The following TNNI3K variants were observed in gnomAD, a reference collection of about 807,000 sequenced individuals.
TNNI3K encodes TNNI3 interacting kinase.
Under a neutral mutation model 114.5 loss-of-function variants are expected in TNNI3K, and 140 were observed. The observed-to-expected ratio is 1.22, with a 90% CI of 1.07 to 1.41. TNNI3K has a LOEUF of 1.41. Ranked by LOEUF, TNNI3K falls within the 40% of genes most tolerant of loss-of-function variation. The pLI is 0.00. For synonymous variants in TNNI3K, 347 were observed against 347.5 expected, an observed-to-expected ratio of 1.00 and a Z score of 0.02; for missense variants, 1,125 against 1,007.6, an observed-to-expected ratio of 1.12 and a Z score of -1.58.
chr1:74,408,808 G>C (rs1212486179), intron 17 of TNNI3K, among the ~76,000 whole-genome samples: 1 of 152,144 alleles, frequency 6.6e-6, no homozygotes, highest in Non-Finnish European at 1.5e-5. Flanking sequence ...TAAGATTATA[G>C]TTTAACATTT....
At chr1:74,315,433 T>C (rs533544084) in intron 5 of TNNI3K, among the ~76,000 whole-genome samples, 1 of 152,272 alleles carries the variant, frequency 6.6e-6, no homozygotes, top group Admixed American at 6.5e-5. Flanking sequence ...AGTCAACCAA[T>C]TAATGCCTAC....
intron 4 of TNNI3K, 82 bp downstream of exon 4, chr1:74,250,851 A>G (rs1317762173): frequency 3.2e-6 from 4 of 1,236,064 alleles, no homozygotes; most frequent in Admixed American, 3.3e-5. Context: ...TTTTTTTCAA[A>G]TTAGTAATCA....
At chr1:74,448,185 C>T (rs1325238510) in intron 20 of TNNI3K, among the ~76,000 whole-genome samples, 37 of 107,344 alleles carry the variant, frequency 3.4e-4, no homozygotes, top group Admixed American at 9.0e-4. Context: ...GGGTGCAGCG[C>T]ACCAGCATGG....
Position 74,256,283 on chromosome 1 carries a change from CTTTTTTTTTTTTTTTTTTTTTTT to C in TNNI3K, c.333+5525_333+5547del, listed in dbSNP as rs61636791. Among the ~76,000 whole-genome samples the C allele has an allele frequency of 9.4e-5, 4 of 42,780 alleles. No homozygotes were observed. The Admixed American group carries it at 1.3e-3, about 14-fold the overall frequency. The allele number at this position is 42,780 out of a possible 152,430, so 28.1% of individuals were successfully genotyped here. A position where few individuals can be genotyped will look rare whatever the true frequency, so the allele number is the denominator to read the frequency against. On this transcript the variant is annotated intron_variant, in intron 4 of 24. Coordinates refer to ENST00000326637, the MANE Select transcript of TNNI3K (RefSeq NM_015978.3). The stretch of plus-strand genomic sequence containing the variant: ...CTTTCCGGCACTTGGTGTGGTCAGT[CTTTTTTTTTTTTTTTTTTTTTTT>C]TTTTTTTTTTGGCTATTCTATTGGA...
chr1:74,287,211 G>A (rs1012877933), intron 5 of TNNI3K, among the ~76,000 whole-genome samples: 1 of 152,134 alleles, frequency 6.6e-6, no homozygotes, highest in Non-Finnish European at 1.5e-5. Context: ...AAAGCCTACA[G>A]CACTTTTGGT....
intron 9 of TNNI3K, among the ~76,000 whole-genome samples, chr1:74,352,933 C>T (rs933019346): frequency 5.3e-5 from 8 of 152,184 alleles, no homozygotes; most frequent in East Asian, 1.9e-4. Context: ...GGCAATGCCT[C>T]GCCCTACTTC....
At chr1:74,279,742 T>G (rs1361275400) in intron 5 of TNNI3K, among the ~76,000 whole-genome samples, 2 of 152,192 alleles carry the variant, frequency 1.3e-5, no homozygotes, top group Non-Finnish European at 2.9e-5. Context: ...TAATCACTCA[T>G]TGTGCACAAT....
intron 5 of TNNI3K, among the ~76,000 whole-genome samples, chr1:74,292,350 G>A (rs1167721637): frequency 6.6e-6 from 1 of 150,890 alleles, no homozygotes; most frequent in Non-Finnish European, 1.5e-5. Context: ...TTTTCTAACA[G>A]CATTTTAGGC....
chr1:74,442,302 C>G (rs1368722920), intron 20 of TNNI3K, among the ~76,000 whole-genome samples: 1 of 151,990 alleles, frequency 6.6e-6, no homozygotes, highest in Non-Finnish European at 1.5e-5. Context: ...ATTTCCAACT[C>G]TATTCTGTTT....
At chr1:74,367,439 G>A (rs1662334398) in intron 12 of TNNI3K, 97 bp downstream of exon 12, 4 of 1,343,390 alleles carry the variant, frequency 3.0e-6, no homozygotes, top group South Asian at 2.5e-5. Context: ...AGGGGTTAGG[G>A]AGGAGGGCAT....
At chr1:74,339,888 A>G (rs959321702) in intron 7 of TNNI3K, among the ~76,000 whole-genome samples, 6 of 152,136 alleles carry the variant, frequency 3.9e-5, no homozygotes, top group Admixed American at 2.6e-4. Context: ...AGAATTAATA[A>G]TTTCTGTCAT....
intron 9 of TNNI3K, among the ~76,000 whole-genome samples, chr1:74,345,499 A>G (rs1462892141): frequency 1.3e-5 from 2 of 152,190 alleles, no homozygotes; most frequent in Non-Finnish European, 2.9e-5. Context: ...GTTTAATTGG[A>G]TAAAGAATGA....
Position 74,384,542 on chromosome 1 carries a change from A to G in TNNI3K, c.1772+14150A>G, listed in dbSNP as rs1215276502. On this transcript the variant is annotated intron_variant, in intron 17 of 24. Coordinates refer to ENST00000326637, the MANE Select transcript of TNNI3K (RefSeq NM_015978.3). ...ATACTTGCTTTTTCTAAATCAATTG[A>G]TTTTCCTTCTCACAGGCAACATTTT... Among the ~76,000 whole-genome samples, 3 of 152,060 alleles carry G rather than the reference A, an allele frequency of 2.0e-5. 1 individual carries two copies. In the South Asian group the frequency reaches 6.2e-4, roughly 31 times the overall value.
At chr1:74,423,869 C>T (rs539815964) in intron 17 of TNNI3K, among the ~76,000 whole-genome samples, 4 of 152,080 alleles carry the variant, frequency 2.6e-5, no homozygotes, top group Non-Finnish European at 4.4e-5. Context: ...ACATATGTTG[C>T]TTACAACTAT....
intron 2 of TNNI3K, among the ~76,000 whole-genome samples, chr1:74,243,620 G>C (rs528071763): frequency 3.3e-5 from 5 of 152,226 alleles, no homozygotes; most frequent in African/African-American, 1.2e-4. Context: ...CTTCTTGAAA[G>C]GATGAGGTCA....
intron 4 of TNNI3K, among the ~76,000 whole-genome samples, chr1:74,264,869 G>A (rs568979621): frequency 1.3e-5 from 2 of 152,012 alleles, no homozygotes; most frequent in Non-Finnish European, 2.9e-5. Context: ...ACACCTGTAA[G>A]TATCTTGAGT....
At chr1:74,401,142 A>C (rs1033301500) in intron 17 of TNNI3K, among the ~76,000 whole-genome samples, 3 of 152,228 alleles carry the variant, frequency 2.0e-5, no homozygotes, top group Admixed American at 2.0e-4. Flanking sequence ...GGTAGCCTCT[A>C]TACCTATAGA....
chr1:74,521,123 A>G (rs1438540663), intron 23 of TNNI3K, among the ~76,000 whole-genome samples: 1 of 152,184 alleles, frequency 6.6e-6, no homozygotes, highest in Non-Finnish European at 1.5e-5. Context: ...TCCTCTCTCC[A>G]TCACCACAGA....
chr1:74,455,251 A>G (rs1056708209), intron 20 of TNNI3K, among the ~76,000 whole-genome samples: 2 of 152,206 alleles, frequency 1.3e-5, no homozygotes, highest in Admixed American at 1.3e-4. Flanking sequence ...TGATACCTGA[A>G]TGCACTTTTA....
Sources: gnomAD v4.1 joint callset for allele counts (sites outside exome capture counted in the v4.1 genomes callset) on GRCh38, gnomAD v4.1.1 for gene constraint, MANE v1.5 for transcripts, NCBI Gene and HGNC (gene_info 2026-07-23, HGNC 2026-07-21) for gene names.